INTS7: variants seen among roughly 807,000 people sequenced by gnomAD.
The protein encoded by INTS7 is integrator complex subunit 7.
INTS7 carries 46 observed loss-of-function variants against 109.2 expected under a neutral mutation model. That is an observed-to-expected ratio of 0.42 (90% CI 0.33 to 0.54). INTS7 has a LOEUF of 0.54. INTS7 is among the 20% of genes least tolerant of loss of function. The pLI is 0.07. For missense variants in INTS7, 929 were observed against 1,132.4 expected (o/e 0.82, Z 2.58); for synonymous variants, 412 against 402.9 (o/e 1.02, Z -0.27).
rs565441332 is a variant in INTS7 at position 211,976,230 on chromosome 1, G to C, written c.1608+352C>G. ...TCCCATTTCTACTTAAGAATGACAAGACTGGGGAGAGGAACAAAGATGTGG... is the reference window on the plus strand; with the variant it reads ...TCCCATTTCTACTTAAGAATGACAACACTGGGGAGAGGAACAAAGATGTGG... On this transcript the variant is annotated intron_variant, in intron 12 of 19. Coordinates refer to ENST00000366994, the MANE Select transcript of INTS7 (RefSeq NM_015434.4). 6.6e-5 allele frequency among the ~76,000 whole-genome samples: 10 copies of C among 152,290 alleles called. No homozygotes were observed. In the South Asian group the frequency reaches 2.1e-3, roughly 32 times the overall value.
chr1:211,968,445 C>G, intron 14 of INTS7, 68 bp downstream of exon 14: 1 of 1,338,292 alleles, frequency 7.5e-7, no homozygotes, highest in Non-Finnish European at 1.0e-6. Context: ...TATTTTACAA[C>G]TTTTCATCTT....
At chr1:211,963,530 CACA>C (rs1299180174) in intron 16 of INTS7, among the ~76,000 whole-genome samples, 1 of 151,990 alleles carries the variant, frequency 6.6e-6, no homozygotes, top group African/African-American at 2.4e-5. Flanking sequence ...CTGGTGGAGA[CACA>C]ACAACAAAAA....
chr1:211,940,452 C>T lies in INTS7; in HGVS notation c.*1372G>A. ...AAAAGGAAATTCCAGGGAAAGTACC[C>T]TGCTTTACCTTAGGAGCTGCATCCG... On this transcript the variant is annotated 3_prime_UTR_variant, in exon 20 of 20. Transcript: ENST00000366994. 1 of 152,124 alleles carries T rather than the reference C, an allele frequency of 6.6e-6. No homozygotes were observed. Among genetic ancestry groups the T allele is most frequent in the East Asian group, 1.9e-4 (1 of 5,200 alleles). The allele number at this position is 152,124 out of a possible 1,614,324, so 9.4% of individuals were successfully genotyped here. A position where few individuals can be genotyped will look rare whatever the true frequency, so the allele number is the denominator to read the frequency against.
chr1:211,964,714 A>C (rs1453571403), intron 16 of INTS7, among the ~76,000 whole-genome samples: 2 of 152,178 alleles, frequency 1.3e-5, no homozygotes, highest in Non-Finnish European at 2.9e-5. Context: ...AAAAACAAGC[A>C]ATAGGGAAAG....
intron 16 of INTS7, among the ~76,000 whole-genome samples, chr1:211,962,178 A>G (rs559879905): frequency 6.6e-6 from 1 of 152,146 alleles, no homozygotes; most frequent in South Asian, 2.1e-4. Context: ...ATAGAGAAAA[A>G]CCTAACAAGC....
rs1236184138 is a variant in INTS7, at chr1:212,007,347, T to C, written c.659A>G (p.Gln220Arg). The C allele has an allele frequency of 6.2e-7, 1 of 1,613,988 alleles. No homozygotes were observed. Among genetic ancestry groups the C allele is most frequent in the Non-Finnish European group, 8.5e-7 (1 of 1,179,870 alleles). The change falls in exon 6 of 20, where the codon CAG becomes CGG. Residue 220 changes from glutamine (Q) to arginine (R), a missense_variant. Gln to Arg is a conservative substitution (Grantham distance 43). This residue lies in a region of INTS7 where 787 missense variants were observed against 901.1 expected (regional missense o/e 0.87). Transcript: ENST00000366994. Reference sequence around the variant, plus strand: ...GGTGGACGGATAGGATGTGACCAGCTGTTGTAAAAGCTGACGAGCACTGGA... The same window carrying C: ...GGTGGACGGATAGGATGTGACCAGCCGTTGTAAAAGCTGACGAGCACTGGA... ...LASSARQLLQ[Q>R]LVTSYPSTKM...
At chr1:211,957,485 G>A (rs1384507115) in intron 16 of INTS7, among the ~76,000 whole-genome samples, 1 of 152,136 alleles carries the variant, frequency 6.6e-6, no homozygotes. Flanking sequence ...GGTGGAGGTT[G>A]CAGTGAGCCG....
At chr1:211,950,751 A>G (rs1663048381) in intron 17 of INTS7, among the ~76,000 whole-genome samples, 1 of 152,196 alleles carries the variant, frequency 6.6e-6, no homozygotes, top group African/African-American at 2.4e-5. Context: ...CAGAATTTGA[A>G]CCTAGTTCTG....
At chr1:212,029,951 T>C (rs1667081816) in intron 1 of INTS7, among the ~76,000 whole-genome samples, 1 of 152,214 alleles carries the variant, frequency 6.6e-6, no homozygotes, top group African/African-American at 2.4e-5. Context: ...GATGCATTAA[T>C]AAGGCAGCAT....
chr1:211,965,040 T>C (rs1663807301), intron 16 of INTS7, among the ~76,000 whole-genome samples: 1 of 151,354 alleles, frequency 6.6e-6, no homozygotes, highest in Non-Finnish European at 1.5e-5. Flanking sequence ...TGGGAGAAAA[T>C]TTTTCTAACT....
At chr1:212,000,194 T>C (rs1665603332) in intron 7 of INTS7, among the ~76,000 whole-genome samples, 1 of 152,154 alleles carries the variant, frequency 6.6e-6, no homozygotes, top group Non-Finnish European at 1.5e-5. Flanking sequence ...AAATCAAAGC[T>C]ATTAGAAGTT....
intron 13 of INTS7, 112 bp downstream of exon 13, chr1:211,975,054 T>G: frequency 1.4e-6 from 1 of 708,388 alleles, no homozygotes; most frequent in Non-Finnish European, 2.5e-6. Context: ...TTCCATGACC[T>G]ATTTCATATC....
In INTS7 at chr1:211,973,600, T is replaced by TA. The variant is rs1000051419; in HGVS notation, c.1815+1565dup. Among the ~76,000 whole-genome samples, 16 of 152,186 alleles carry TA rather than the reference T, an allele frequency of 1.1e-4. No homozygotes were observed. The South Asian group carries it at 1.9e-3, about 18-fold the overall frequency. On this transcript the variant is annotated intron_variant, in intron 13 of 19. Transcript: ENST00000366994. ...GCTCATATTTACTCAGTTAAAAAGATAGAAAGCAATTGTCAAATCCACACT... is the reference window on the plus strand; with the variant it reads ...GCTCATATTTACTCAGTTAAAAAGATAAGAAAGCAATTGTCAAATCCACACT...
At chr1:212,013,012 C>A (rs1214600154) in intron 4 of INTS7, among the ~76,000 whole-genome samples, 1 of 152,164 alleles carries the variant, frequency 6.6e-6, no homozygotes, top group African/African-American at 2.4e-5. Flanking sequence ...GGTAATTATT[C>A]CCTAGGCACA....
intron 4 of INTS7, among the ~76,000 whole-genome samples, chr1:212,015,601 C>A (rs1217175299): frequency 1.3e-5 from 2 of 149,394 alleles, no homozygotes; most frequent in Admixed American, 6.8e-5. Context: ...CCTAGGAAAA[C>A]CACAGACCCT....
intron 7 of INTS7, among the ~76,000 whole-genome samples, chr1:211,997,263 G>A (rs1056808391): frequency 6.6e-6 from 1 of 151,962 alleles, no homozygotes; most frequent in Non-Finnish European, 1.5e-5. Flanking sequence ...GAGAGAGATA[G>A]GCCAGGTGCA....
In INTS7 at chr1:211,981,273, T is replaced by C. The variant is rs1033271297; in HGVS notation, c.1133-83A>G. ...ACATATACATGCATACACACTCTCT[T>C]AGAAAAAACATTAAGGAGTTTAAGA... is the stretch of plus-strand genomic sequence containing the variant. On this transcript the variant is annotated intron_variant, in intron 9 of 19. Coordinates refer to ENST00000366994, the MANE Select transcript of INTS7 (RefSeq NM_015434.4). 4.8e-5 allele frequency: 38 copies of C among 795,882 alleles called. No homozygotes were observed. In the African/African-American group the frequency reaches 5.1e-4, roughly 11 times the overall value. The allele number at this position is 795,882 out of a possible 1,614,324, so 49.3% of individuals were successfully genotyped here.
At chr1:211,963,280 C>G (rs1663724467) in intron 16 of INTS7, among the ~76,000 whole-genome samples, 1 of 152,084 alleles carries the variant, frequency 6.6e-6, no homozygotes, top group South Asian at 2.1e-4. Context: ...TCTCCCAAGA[C>G]TGAACCAGGA....
intron 7 of INTS7, among the ~76,000 whole-genome samples, chr1:211,999,991 GCTA>G (rs895975876): frequency 6.6e-6 from 1 of 152,122 alleles, no homozygotes; most frequent in Admixed American, 6.5e-5. Context: ...TGTAATCCCA[GCTA>G]CTTGAGAGGC....
Sources: gnomAD v4.1 joint callset for allele counts (sites outside exome capture counted in the v4.1 genomes callset) on GRCh38, gnomAD v4.1.1 for gene constraint, gnomAD v4.1.1 regional missense constraint, MANE v1.5 for transcripts, NCBI Gene and HGNC (gene_info 2026-07-23, HGNC 2026-07-21) for gene names.